JMJD1C: variants seen among roughly 807,000 people sequenced by gnomAD.
JMJD1C encodes jumonji domain containing 1C.
Under a neutral mutation model 245.3 loss-of-function variants are expected in JMJD1C, and 31 were observed. That is an observed-to-expected ratio of 0.13 (90% CI 0.09 to 0.17). The LOEUF is 0.17. JMJD1C is among the 10% of genes least tolerant of loss of function. The probability of loss-of-function intolerance (pLI) is 1.00; values close to 1 mark genes in which losing one functional copy is unlikely to be tolerated. For synonymous variants in JMJD1C, 1,057 were observed against 1,017.4 expected (o/e 1.04, Z -0.74); for missense variants, 2,691 against 3,000.2 (o/e 0.90, Z 2.41).
At chr10:63,247,734 A>G (rs1043194731) in intron 3 of JMJD1C, among the ~76,000 whole-genome samples, 3 of 151,052 alleles carry the variant, frequency 2.0e-5, no homozygotes, top group South Asian at 2.1e-4. Context: ...AAAAAAAAAA[A>G]AAAAGAAACA....
At chr10:63,419,524 T>G (rs1434782954) in intron 1 of JMJD1C, among the ~76,000 whole-genome samples, 1 of 152,128 alleles carries the variant, frequency 6.6e-6, no homozygotes, top group African/African-American at 2.4e-5. Flanking sequence ...CAAAGCACTG[T>G]CAGCTACTTT....
At chr10:63,423,478 C>A (rs1465506207) in intron 1 of JMJD1C, among the ~76,000 whole-genome samples, 2 of 152,298 alleles carry the variant, frequency 1.3e-5, no homozygotes, top group African/African-American at 2.4e-5. Context: ...TTGTATCATG[C>A]CTCAGAACTT....
intron 2 of JMJD1C, among the ~76,000 whole-genome samples, chr10:63,341,964 T>C (rs993287459): frequency 2.6e-5 from 4 of 152,202 alleles, no homozygotes; most frequent in Non-Finnish European, 5.9e-5. Context: ...TATTCAGTGA[T>C]GATGGTGAAC....
At chr10:63,455,278 A>T (rs1952340375) in intron 1 of JMJD1C, among the ~76,000 whole-genome samples, 1 of 152,168 alleles carries the variant, frequency 6.6e-6, no homozygotes. Context: ...ATCTAAGATC[A>T]CAGTATCTGG....
chr10:63,218,569 C>T (rs1266962189), intron 4 of JMJD1C, among the ~76,000 whole-genome samples: 1 of 152,078 alleles, frequency 6.6e-6, no homozygotes, highest in East Asian at 1.9e-4. Context: ...TTTCAATTCC[C>T]ATTAACAAAC....
intron 1 of JMJD1C, among the ~76,000 whole-genome samples, chr10:63,442,181 A>G (rs888120383): frequency 7.9e-5 from 12 of 152,214 alleles, no homozygotes; most frequent in African/African-American, 2.7e-4. Context: ...TTTTGCCATT[A>G]CAGGGTAAAG....
intron 1 of JMJD1C, among the ~76,000 whole-genome samples, chr10:63,502,086 C>T (rs1954579240): frequency 6.6e-6 from 1 of 152,116 alleles, no homozygotes. Context: ...TATTTATGTA[C>T]ATTCATTTCT....
Position 63,207,260 on chromosome 10 carries a change from C to G in JMJD1C, c.4409G>C (p.Ser1470Thr), listed in dbSNP as rs1056462015. ...SSKTGSVVQP[S>T]SGFSGTTDFI... ...ATCAGTTGTGCCTGAGAACCCAGAACTGGGTTGAACAACACTTCCTGTCTT... is the reference window on the plus strand; with the variant it reads ...ATCAGTTGTGCCTGAGAACCCAGAAGTGGGTTGAACAACACTTCCTGTCTT... Residue 1470 changes from serine (S) to threonine (T), a missense_variant, in exon 10 of 26, where the codon AGT (serine) becomes ACT (threonine). Physicochemically the swap from Ser to Thr is moderately conservative, Grantham distance 58 (BLOSUM62 1). Coordinates refer to ENST00000399262, the MANE Select transcript of JMJD1C (RefSeq NM_032776.3). 1 of 1,614,004 alleles carries G rather than the reference C, an allele frequency of 6.2e-7. No individual in the cohort carries two copies. The highest frequency in any genetic ancestry group is 8.5e-7 in the Non-Finnish European group (1 of 1,180,030).
At chr10:63,307,051 C>T (rs898359417) in intron 2 of JMJD1C, among the ~76,000 whole-genome samples, 1 of 152,090 alleles carries the variant, frequency 6.6e-6, no homozygotes, top group African/African-American at 2.4e-5. Context: ...TCTGATATTA[C>T]TTCTTAAACA....
intron 2 of JMJD1C, among the ~76,000 whole-genome samples, chr10:63,298,857 C>T (rs1285602856): frequency 1.3e-5 from 2 of 152,002 alleles, no homozygotes; most frequent in Non-Finnish European, 2.9e-5. Flanking sequence ...CTCAGCCTCC[C>T]GAATAGCTGA....
At chr10:63,460,172 G>C (rs1952687338) in intron 1 of JMJD1C, among the ~76,000 whole-genome samples, 1 of 152,124 alleles carries the variant, frequency 6.6e-6, no homozygotes, top group Non-Finnish European at 1.5e-5. Flanking sequence ...GGATACTGCG[G>C]AGGGGAAGGT....
chr10:63,299,473 T>G (rs578224508), intron 2 of JMJD1C, among the ~76,000 whole-genome samples: 5 of 151,816 alleles, frequency 3.3e-5, no homozygotes, highest in Non-Finnish European at 7.4e-5. Flanking sequence ...ATTACAGGCA[T>G]GAGCCACTGC....
intron 18 of JMJD1C, 21 bp downstream of exon 18, chr10:63,189,147 T>C (rs1844471188): frequency 1.3e-6 from 2 of 1,573,804 alleles, no homozygotes; most frequent in Non-Finnish European, 8.6e-7. Context: ...AGAGTGTTCT[T>C]TATCAGCCTA....
chr10:63,207,806 T>C lies in JMJD1C; in HGVS notation c.3863A>G (p.Glu1288Gly). Residue 1288 changes from glutamate (E) to glycine (G), a missense_variant, in exon 10 of 26, where the codon GAA becomes GGA. Glu to Gly is a moderately conservative substitution (Grantham distance 98, BLOSUM62 -2). Around this residue, in one of 9 missense-constraint regions of JMJD1C, gnomAD observed 1,562 missense variants for 1,490.7 expected, o/e 1.05. Coordinates refer to ENST00000399262, the MANE Select transcript of JMJD1C (RefSeq NM_032776.3). ...TCCGCTGCTTTTCTCCACATGCCAT[T>C]CAGTTTTCTCTTTGCTGAGGTTATT... Reference protein sequence around the residue: ...PNNNLSKEKTEWHVEKSSGKL... With the variant: ...PNNNLSKEKTGWHVEKSSGKL... 6.2e-7 allele frequency: 1 copy of C among 1,614,188 alleles called. No homozygotes were observed. The highest frequency in any genetic ancestry group is 1.6e-4 in the Middle Eastern group (1 of 6,062).
At chr10:63,204,500 GTTTTT>G (rs1272672167) in intron 10 of JMJD1C, 1 of 985,146 alleles carries the variant, frequency 1.0e-6, no homozygotes, top group Non-Finnish European at 1.2e-6. Context: ...TTTTGTTTTT[GTTTTT>G]TAAGTTTTAC....
At chr10:63,426,394 C>T (rs1950442101) in intron 1 of JMJD1C, among the ~76,000 whole-genome samples, 1 of 152,094 alleles carries the variant, frequency 6.6e-6, no homozygotes, top group Non-Finnish European at 1.5e-5. Context: ...GACTGTATTA[C>T]TACTACACAG....
chr10:63,328,974 ATCT>A (rs1941833601), intron 2 of JMJD1C, among the ~76,000 whole-genome samples: 1 of 152,188 alleles, frequency 6.6e-6, no homozygotes, highest in African/African-American at 2.4e-5. Flanking sequence ...ACTGGAAATT[ATCT>A]TCACTATTAA....
At chr10:63,467,561 C>A (rs1953347471), upstream of JMJD1C, among the ~76,000 whole-genome samples, 1 of 152,302 alleles carries the variant, frequency 6.6e-6, no homozygotes. Flanking sequence ...AACAGCAAAA[C>A]ATACCCAAAA....
chr10:63,381,029 A>C, intron 1 of JMJD1C, among the ~76,000 whole-genome samples: 1 of 152,278 alleles, frequency 6.6e-6, no homozygotes. Flanking sequence ...GTATCTGTCA[A>C]CATATGAATG....
Sources: gnomAD v4.1 joint callset for allele counts (sites outside exome capture counted in the v4.1 genomes callset) on GRCh38, gnomAD v4.1.1 for gene constraint, gnomAD v4.1.1 regional missense constraint, MANE v1.5 for transcripts, NCBI Gene and HGNC (gene_info 2026-07-23, HGNC 2026-07-21) for gene names.